ZMYM2: variants seen among roughly 807,000 people sequenced by gnomAD.
The protein encoded by ZMYM2 is zinc finger MYM-type protein 2.
Under a neutral mutation model 162.8 loss-of-function variants are expected in ZMYM2, and 56 were observed. The observed-to-expected ratio is 0.34, with a 90% CI of 0.28 to 0.43. The LOEUF (loss-of-function observed/expected upper bound fraction) is 0.43, where lower values mean the gene tolerates loss of function less well. ZMYM2 is among the 20% of genes least tolerant of loss of function. The probability of loss-of-function intolerance (pLI) is 1.00; values close to 1 mark genes in which losing one functional copy is unlikely to be tolerated. For synonymous variants in ZMYM2, 510 were observed against 541.6 expected, an observed-to-expected ratio of 0.94 and a Z score of 0.81; for missense variants, 1,275 against 1,621.8, an observed-to-expected ratio of 0.79 and a Z score of 3.67.
In ZMYM2 at chr13:20,034,951, T is replaced by A. The variant is rs77582755; in HGVS notation, c.2119+547T>A. Among the ~76,000 whole-genome samples, 1,539 of 152,346 alleles carry A rather than the reference T, an allele frequency of 0.01. 62 individuals are homozygous for A. In the East Asian group the frequency reaches 0.13, roughly 13 times the overall value. ...GGTGCCAGGCAGCAGATTATACAGA[T>A]GAATTCAAATTCTAAATCTACTTAT... On this transcript the variant is annotated intron_variant, in intron 11 of 24. Transcript: ENST00000610343.
chr13:20,000,531 G>C (rs1346556146), intron 3 of ZMYM2, among the ~76,000 whole-genome samples: 16 of 152,206 alleles, frequency 1.1e-4, no homozygotes, highest in Admixed American at 1.0e-3. Context: ...GGGTCCTTAA[G>C]AATGATGATA....
At chr13:20,034,425 T>G in intron 11 of ZMYM2, 21 bp downstream of exon 11, 1 of 1,498,698 alleles carries the variant, frequency 6.7e-7, no homozygotes, top group Non-Finnish European at 8.9e-7. Context: ...TATACAGTGT[T>G]GTTCATAACA....
At chr13:19,917,370 C>A in the ZMYM2 span, among the ~76,000 whole-genome samples, 1 of 152,096 alleles carries the variant, frequency 6.6e-6, no homozygotes, top group East Asian at 2.0e-4. Context: ...GGGTGGATCA[C>A]CTGAGGTCAG....
intron 2 of ZMYM2, among the ~76,000 whole-genome samples, 185 bp downstream of exon 2, chr13:19,960,211 C>T (rs533332819): frequency 5.3e-5 from 8 of 152,182 alleles, no homozygotes; most frequent in African/African-American, 1.9e-4. Flanking sequence ...CTGCTGTTTC[C>T]ACCGCTGCAG....
chr13:19,995,645 C>G (rs1246563489), intron 3 of ZMYM2, among the ~76,000 whole-genome samples: 1 of 152,132 alleles, frequency 6.6e-6, no homozygotes, highest in African/African-American at 2.4e-5. Context: ...TCTCAAAGTT[C>G]TGGGATTACA....
rs147637448 is a variant in ZMYM2 at position 20,002,177 on chromosome 13, T to C, written c.848-673T>C. Among the ~76,000 whole-genome samples, 172 of 152,346 alleles carry C rather than the reference T, an allele frequency of 1.1e-3. 1 individual carries two copies. The Middle Eastern group carries it at 0.017, about 15-fold the overall frequency. ...ATGTCTTGGAAATAATTATAAACTT[T>C]ATTAGACTTGCATTACATTTGTCAA... is the stretch of plus-strand genomic sequence containing the variant. On this transcript the variant is annotated intron_variant, in intron 3 of 24. Coordinates refer to ENST00000610343, the MANE Select transcript of ZMYM2 (RefSeq NM_197968.4).
At chr13:20,083,929 T>C (rs1958072525) in intron 24 of ZMYM2, among the ~76,000 whole-genome samples, 153 bp downstream of exon 24, 1 of 152,254 alleles carries the variant, frequency 6.6e-6, no homozygotes, top group Admixed American at 6.5e-5. Context: ...TAATCTTTTA[T>C]TTTGAAATAC....
intron 3 of ZMYM2, 44 bp downstream of exon 3, chr13:19,993,963 CT>C: frequency 6.4e-7 from 1 of 1,553,756 alleles, no homozygotes; most frequent in Non-Finnish European, 8.6e-7. Context: ...TGAATTTAAA[CT>C]TTTGGCTGCT....
chr13:20,079,064 T>TA (rs1263464712), intron 21 of ZMYM2, among the ~76,000 whole-genome samples: 4 of 151,200 alleles, frequency 2.6e-5, no homozygotes, highest in African/African-American at 7.3e-5. Context: ...CTCATGCCTG[T>TA]AATCCCAGCA....
intron 12 of ZMYM2, among the ~76,000 whole-genome samples, chr13:20,041,434 C>T (rs1271180129): frequency 6.6e-6 from 1 of 152,088 alleles, no homozygotes; most frequent in African/African-American, 2.4e-5. Flanking sequence ...TATTTTGAGC[C>T]TATGTGTGTC....
At chr13:19,890,506 A>G in the ZMYM2 span, among the ~76,000 whole-genome samples, 3 of 9,108 alleles carry the variant, frequency 3.3e-4, no homozygotes, top group African/African-American at 4.1e-4. Flanking sequence ...GTGCTTTTGT[A>G]AAAAAAAAAA....
At chr13:19,875,578 A>G in the ZMYM2 span, among the ~76,000 whole-genome samples, 4 of 147,306 alleles carry the variant, frequency 2.7e-5, no homozygotes, top group Non-Finnish European at 5.9e-5. Context: ...CAGTGAGCCA[A>G]GATCACACCA....
chr13:19,893,757 A>AAT, the ZMYM2 span, among the ~76,000 whole-genome samples: 1 of 151,512 alleles, frequency 6.6e-6, no homozygotes, highest in African/African-American at 2.4e-5. Context: ...AAATAAGTAA[A>AAT]AAATAAATAA....
At chr13:19,875,626 CAAAAAAAAAA>C in the ZMYM2 span, among the ~76,000 whole-genome samples, 2 of 54,886 alleles carry the variant, frequency 3.6e-5, no homozygotes, top group African/African-American at 1.5e-4. Context: ...GACTCCATCG[CAAAAAAAAAA>C]AAAAAAAAAA....
intron 2 of ZMYM2, among the ~76,000 whole-genome samples, chr13:19,988,104 G>A (rs1949321850): frequency 6.6e-6 from 1 of 152,234 alleles, no homozygotes. Flanking sequence ...TAATGTGTGA[G>A]CTGCTGTTTT....
the ZMYM2 span, among the ~76,000 whole-genome samples, chr13:19,952,381 C>A: frequency 6.6e-6 from 1 of 151,802 alleles, no homozygotes; most frequent in Non-Finnish European, 1.5e-5. Context: ...TGAAAATAGC[C>A]GAGAGTAGAT....
the ZMYM2 span, among the ~76,000 whole-genome samples, chr13:19,950,554 C>G: frequency 1.3e-5 from 2 of 152,224 alleles, no homozygotes; most frequent in African/African-American, 2.4e-5. Context: ...TCTAACCAAT[C>G]AGGATGTTTC....
At chr13:19,956,019 A>G (rs980578559), upstream of ZMYM2, among the ~76,000 whole-genome samples, 1 of 152,228 alleles carries the variant, frequency 6.6e-6, no homozygotes, top group Non-Finnish European at 1.5e-5. Flanking sequence ...CATGCAATTC[A>G]CACATTTAAG....
the ZMYM2 span, among the ~76,000 whole-genome samples, chr13:19,865,700 T>C: frequency 6.6e-6 from 1 of 152,348 alleles, no homozygotes; most frequent in Admixed American, 6.5e-5. Flanking sequence ...AAGATTAAAA[T>C]TGGGTAACAT....
Sources: allele counts gnomAD v4.1 joint callset (sites outside exome capture counted in the v4.1 genomes callset), GRCh38; gene constraint gnomAD v4.1.1; transcripts MANE v1.5; gene names NCBI Gene and HGNC (gene_info 2026-07-23, HGNC 2026-07-21).